Variants in OR10D3 observed in about 807,000 individuals in gnomAD.
OR10D3 encodes olfactory receptor family 10 subfamily D member 3, also known as olfactory receptor 10D3.
For missense variants in OR10D3, 286 were observed against 153.7 expected (o/e 1.86, Z -4.55); for synonymous variants, 100 against 57.6 (o/e 1.74, Z -3.33).
In OR10D3 at chr11:124,184,601, G is replaced by T. The variant is rs1208830317; in HGVS notation, c.-11-658G>T. Among the ~76,000 whole-genome samples, 3 of 150,362 alleles carry T rather than the reference G, an allele frequency of 2.0e-5. 1 individual carries two copies. The highest frequency in any genetic ancestry group is 4.4e-5 in the Non-Finnish European group (3 of 67,538). ...CGGGGGAAAGACTGATGTTTAAAAAGAAAAAAAAAGAATGTAGATGCCTAG... is the reference window on the plus strand; with the variant it reads ...CGGGGGAAAGACTGATGTTTAAAAATAAAAAAAAAGAATGTAGATGCCTAG... On this transcript the variant is annotated intron_variant, in intron 1 of 1. Transcript: ENST00000641351.
chr11:124,185,293 G>A (rs1861206536), exon 2 of OR10D3: 2 of 703,130 alleles, frequency 2.8e-6, no homozygotes, highest in African/African-American at 1.7e-5. Flanking sequence ...ACTGCTGCAT[G>A]GTGACAGAGT....
intron 1 of OR10D3, among the ~76,000 whole-genome samples, chr11:124,184,080 G>T (rs1426599038): frequency 6.6e-6 from 1 of 152,176 alleles, no homozygotes; most frequent in East Asian, 1.9e-4. Flanking sequence ...GGGTCTGATT[G>T]CTTTTTGGAA....
chr11:124,185,467 G>C (rs562800096), exon 2 of OR10D3: 13 of 703,122 alleles, frequency 1.8e-5, no homozygotes, highest in Admixed American at 6.0e-5. Flanking sequence ...TGGGAAACTT[G>C]TCTGTGTTTG....
exon 2 of OR10D3, chr11:124,185,898 G>A: frequency 2.8e-6 from 2 of 703,272 alleles, no homozygotes; most frequent in Non-Finnish European, 5.2e-6. Context: ...TCTCTTGTCT[G>A]CTTTCTGCTA....
chr11:124,183,430 CTCTCTCTCTT>C (rs1565301544), intron 1 of OR10D3, 47 bp downstream of exon 1: 3 of 123,870 alleles, frequency 2.4e-5, no homozygotes, highest in East Asian at 2.2e-4. Flanking sequence ...CTCTTTCTTT[CTCTCTCTCTT>C]TCTCTCTCTC....
Position 124,185,298 on chromosome 11 carries a change from CAG to C in OR10D3, c.32_33del (p.Glu11ValfsTer59). ...GAGGTGAAGAACTGCTGCATGGTGA[CAG>C]AGTTCATCCTTTTGGGAATCCCACA... On this transcript the variant is annotated frameshift_variant, in exon 2 of 2. Coordinates refer to ENST00000641351, the Ensembl canonical transcript of OR10D3. LOFTEE classifies it high-confidence loss of function. 1.4e-6 allele frequency: 1 copy of C among 703,314 alleles called. No individual in the cohort carries two copies. The allele number at this position is 703,314 out of a possible 1,614,324, so 43.6% of individuals were successfully genotyped here. A position where few individuals can be genotyped will look rare whatever the true frequency, so the allele number is the denominator to read the frequency against.
chr11:124,186,294 A>G lies in OR10D3; in HGVS notation c.*86A>G, dbSNP rs114539508. ...CATTCTGGAATCTTCATATGTGACA[A>G]TGACTTGGAATTTTCAGCACTGTGC... is the stretch of plus-strand genomic sequence containing the variant. On this transcript the variant is annotated 3_prime_UTR_variant, in exon 2 of 2. Coordinates refer to ENST00000641351, the Ensembl canonical transcript of OR10D3. 530 of 615,360 alleles carry G rather than the reference A, an allele frequency of 8.6e-4. No homozygotes were observed. The African/African-American group carries it at 8.6e-3, about 10-fold the overall frequency. The allele number at this position is 615,360 out of a possible 1,614,324, so 38.1% of individuals were successfully genotyped here. A position where few individuals can be genotyped will look rare whatever the true frequency, so the allele number is the denominator to read the frequency against.
At chr11:124,185,920 C>T in exon 2 of OR10D3, 1 of 703,218 alleles carries the variant, frequency 1.4e-6, no homozygotes, top group South Asian at 1.5e-5. Context: ...TTCTTTTATC[C>T]TACACTAGAA....
chr11:124,186,367 A>G, exon 2 of OR10D3: 1 of 511,640 alleles, frequency 2.0e-6, no homozygotes, highest in South Asian at 3.7e-5. Flanking sequence ...ATCTTTTTGC[A>G]ATATTTTATT....
exon 2 of OR10D3, chr11:124,187,521 T>G (rs1270780825): frequency 6.6e-6 from 1 of 152,206 alleles, no homozygotes; most frequent in African/African-American, 2.4e-5. Flanking sequence ...TTTACCTCTT[T>G]ACACCTCTTA....
chr11:124,185,648 T>C (rs911794206), exon 2 of OR10D3: 4 of 703,690 alleles, frequency 5.7e-6, no homozygotes, highest in Non-Finnish European at 7.8e-6. Context: ...CACTGCCATC[T>C]GTTATCCTCT....
chr11:124,185,471 G>T, exon 2 of OR10D3: 1 of 703,138 alleles, frequency 1.4e-6, no homozygotes, highest in Non-Finnish European at 2.6e-6. Flanking sequence ...AAACTTGTCT[G>T]TGTTTGACAT....
chr11:124,187,073 A>G (rs1861234805), exon 2 of OR10D3: 1 of 152,190 alleles, frequency 6.6e-6, no homozygotes, highest in African/African-American at 2.4e-5. Flanking sequence ...GTAAGATTCT[A>G]CTGGAGAAAG....
exon 2 of OR10D3, chr11:124,185,985 C>A: frequency 1.4e-6 from 1 of 703,426 alleles, no homozygotes; most frequent in Non-Finnish European, 2.6e-6. Context: ...CGTGCCTTCT[C>A]CACCTGCAGT....
At chr11:124,185,400 C>G (rs1273804304) in exon 2 of OR10D3, 1 of 703,022 alleles carries the variant, frequency 1.4e-6, no homozygotes, top group Non-Finnish European at 2.6e-6. Flanking sequence ...GGAAATGTGT[C>G]TATCCTTGTT....
At chr11:124,185,021 A>G (rs944964445) in intron 1 of OR10D3, among the ~76,000 whole-genome samples, 1 of 152,212 alleles carries the variant, frequency 6.6e-6, no homozygotes, top group African/African-American at 2.4e-5. Context: ...TGTTTTAATA[A>G]TGGGCATTTG....
chr11:124,185,891 C>G (rs1861219249), exon 2 of OR10D3: 1 of 703,314 alleles, frequency 1.4e-6, no homozygotes, highest in Non-Finnish European at 2.6e-6. Flanking sequence ...CCTCATATCT[C>G]TTGTCTGCTT....
exon 2 of OR10D3, chr11:124,185,291 A>G (rs1468154432): frequency 1.4e-6 from 1 of 703,116 alleles, no homozygotes; most frequent in Non-Finnish European, 2.6e-6. Flanking sequence ...GAACTGCTGC[A>G]TGGTGACAGA....
chr11:124,184,102 GCTT>G (rs1861192382), intron 1 of OR10D3: 3 of 150,876 alleles, frequency 2.0e-5, no homozygotes, highest in Non-Finnish European at 4.4e-5. Context: ...GTAGTGTAGA[GCTT>G]CTTCTGGAGT....
Sources: allele counts gnomAD v4.1 joint callset (sites outside exome capture counted in the v4.1 genomes callset), GRCh38; gene constraint gnomAD v4.1.1; transcripts MANE v1.5; gene names NCBI Gene and HGNC (gene_info 2026-07-23, HGNC 2026-07-21).